Variants in KATNA1 observed in about 807,000 individuals in gnomAD.
The protein encoded by KATNA1 is katanin p60 ATPase-containing subunit A1.
Under a neutral mutation model 62.6 loss-of-function variants are expected in KATNA1, and 42 were observed. That is an observed-to-expected ratio of 0.67 (90% CI 0.52 to 0.87). The LOEUF (loss-of-function observed/expected upper bound fraction) is 0.87, where lower values mean the gene tolerates loss of function less well. KATNA1 is among the 40% of genes least tolerant of loss of function. The pLI is 0.00. For missense variants in KATNA1, 498 were observed against 612.5 expected (o/e 0.81, Z 1.97); for synonymous variants, 186 against 201.9 (o/e 0.92, Z 0.67).
At chr6:149,616,450 T>G (rs1021982492) in intron 4 of KATNA1, among the ~76,000 whole-genome samples, 4 of 152,188 alleles carry the variant, frequency 2.6e-5, no homozygotes, top group Non-Finnish European at 5.9e-5. Flanking sequence ...GAAAACAGTT[T>G]TGTCATTCTT....
At chr6:149,601,480 A>T in intron 7 of KATNA1, 114 bp downstream of exon 7, 1 of 848,574 alleles carries the variant, frequency 1.2e-6, no homozygotes, top group Non-Finnish European at 1.8e-6. Flanking sequence ...TAGGACTCAT[A>T]CTCTGGGCAA....
At chr6:149,647,407 A>G (rs982899948) in intron 1 of KATNA1, among the ~76,000 whole-genome samples, 1 of 151,338 alleles carries the variant, frequency 6.6e-6, no homozygotes, top group African/African-American at 2.4e-5. Context: ...CTGTAGTCAC[A>G]GCTACTCAAG....
At position 149,594,897 on chromosome 6, in the gene KATNA1, T is replaced by C; in HGVS notation, c.*139A>G. On this transcript the variant is annotated 3_prime_UTR_variant, in exon 11 of 11. Coordinates refer to ENST00000367411, the MANE Select transcript of KATNA1 (RefSeq NM_007044.4). ...ATTTTCAGCTTAAAAATATTGCCTT[T>C]ATTCAGAATCATAAGGGTTTTTTTA... 1.6e-6 allele frequency: 1 copy of C among 620,320 alleles called. No homozygotes were observed. Among genetic ancestry groups the C allele is most frequent in the Non-Finnish European group, 2.6e-6 (1 of 382,434 alleles). 38.4% of individuals were successfully genotyped at this position (620,320 alleles called of 1,614,324 possible). A position where few individuals can be genotyped will look rare whatever the true frequency, so the allele number is the denominator to read the frequency against.
chr6:149,642,951 A>G (rs1402869932), intron 1 of KATNA1, among the ~76,000 whole-genome samples: 1 of 152,240 alleles, frequency 6.6e-6, no homozygotes, highest in Non-Finnish European at 1.5e-5. Flanking sequence ...GCCTCTTGGT[A>G]TCTGTACCCT....
Position 149,595,121 on chromosome 6 carries a change from A to C in KATNA1, c.1391T>G (p.Met464Arg), listed in dbSNP as rs148234938. The C allele has an allele frequency of 4.3e-6, 7 of 1,614,072 alleles. No individual in the cohort carries two copies. Among genetic ancestry groups the C allele is most frequent in the Non-Finnish European group, 5.9e-6 (7 of 1,179,960 alleles). Residue 464 changes from methionine (M) to arginine (R), a missense_variant, in exon 11 of 11, where the codon ATG (methionine) becomes AGG (arginine). Coordinates refer to ENST00000367411, the MANE Select transcript of KATNA1 (RefSeq NM_007044.4). ...TGACTTAGAAACCTTTTTTAAAGCC[A>C]TCTCGAAATCCTCCATAGTTGTAGG... ...HMPTTMEDFEMALKKVSKSVS... is the reference protein window; with the variant it reads ...HMPTTMEDFERALKKVSKSVS...
intron 5 of KATNA1, 40 bp from the exon 6 acceptor site, chr6:149,603,413 T>C (rs746579979): frequency 2.1e-6 from 2 of 936,022 alleles, no homozygotes; most frequent in South Asian, 1.4e-5. Flanking sequence ...CTTTAGATGA[T>C]ACATGTCTAT....
intron 3 of KATNA1, among the ~76,000 whole-genome samples, chr6:149,625,362 C>T (rs540330195): frequency 8.1e-4 from 123 of 152,272 alleles, no homozygotes; most frequent in African/African-American, 2.9e-3. Flanking sequence ...AGGCCGGGCA[C>T]GGTGGCTCAC....
intron 4 of KATNA1, among the ~76,000 whole-genome samples, chr6:149,615,150 A>C (rs966771992): frequency 4.6e-5 from 7 of 150,788 alleles, no homozygotes; most frequent in Middle Eastern, 3.4e-3. Context: ...AAAAAAAAAA[A>C]AAAAACAACT....
intron 1 of KATNA1, among the ~76,000 whole-genome samples, chr6:149,645,371 G>A (rs1358655572): frequency 1.3e-5 from 2 of 151,726 alleles, no homozygotes; most frequent in Non-Finnish European, 2.9e-5. Flanking sequence ...TGAACCGGGA[G>A]GCAGAGCGTG....
chr6:149,597,705 G>A, intron 8 of KATNA1, 64 bp from the exon 9 acceptor site: 1 of 1,470,514 alleles, frequency 6.8e-7, no homozygotes, highest in Non-Finnish European at 9.4e-7. Context: ...ATGAAGCTCA[G>A]CTATTTAAAG....
chr6:149,625,467 A>G (rs1779568342), intron 3 of KATNA1, among the ~76,000 whole-genome samples: 1 of 152,032 alleles, frequency 6.6e-6, no homozygotes, highest in Non-Finnish European at 1.5e-5. Flanking sequence ...CATCTCTACT[A>G]AAAATACAAA....
intron 2 of KATNA1, among the ~76,000 whole-genome samples, chr6:149,636,007 AC>A (rs1780052255): frequency 6.6e-6 from 1 of 152,036 alleles, no homozygotes; most frequent in African/African-American, 2.4e-5. Context: ...GTGAGCTGAG[AC>A]CGCGCCATTG....
At chr6:149,608,061 G>A (rs907836610) in intron 4 of KATNA1, among the ~76,000 whole-genome samples, 7 of 152,200 alleles carry the variant, frequency 4.6e-5, no homozygotes, top group Middle Eastern at 3.4e-3. Flanking sequence ...GTGAGACTCC[G>A]TCTCAAAAAA....
chr6:149,598,945 A>G (rs904144780), intron 7 of KATNA1, among the ~76,000 whole-genome samples: 1 of 151,846 alleles, frequency 6.6e-6, no homozygotes, highest in Non-Finnish European at 1.5e-5. Flanking sequence ...GCTCACTTCA[A>G]CCTTGAGCTC....
At chr6:149,607,543 CGGA>C (rs1053849459) in intron 4 of KATNA1, among the ~76,000 whole-genome samples, 3 of 152,108 alleles carry the variant, frequency 2.0e-5, no homozygotes, top group Non-Finnish European at 4.4e-5. Flanking sequence ...ACCCAGGAGG[CGGA>C]GGTTACACTG....
At chr6:149,618,877 T>C (rs1779285793) in intron 4 of KATNA1, among the ~76,000 whole-genome samples, 1 of 152,184 alleles carries the variant, frequency 6.6e-6, no homozygotes, top group Admixed American at 6.6e-5. Context: ...TATGAAATTA[T>C]TAGAAGATGA....
chr6:149,619,825 G>T (rs943838869), intron 4 of KATNA1, among the ~76,000 whole-genome samples: 6 of 152,206 alleles, frequency 3.9e-5, no homozygotes, highest in Admixed American at 3.9e-4. Flanking sequence ...AGGATTGCTA[G>T]ATTATATGGT....
chr6:149,638,730 G>GTTTTTTTTTTTTTTTTTTTTTTTT (rs1217719467), intron 1 of KATNA1, 170 bp from the exon 2 acceptor site: 3 of 97,658 alleles, frequency 3.1e-5, no homozygotes, highest in Non-Finnish European at 5.5e-5. Context: ...AAAAAACATT[G>GTTTTTTTTTTTTTTTTTTTTTTTT]TTTTTTTTTT....
At chr6:149,622,995 T>G in intron 4 of KATNA1, 108 bp downstream of exon 4, 1 of 823,264 alleles carries the variant, frequency 1.2e-6, no homozygotes, top group Non-Finnish European at 1.8e-6. Context: ...GGTGACAGAG[T>G]GAGACTGTCT....
Sources: gnomAD v4.1 joint callset for allele counts (sites outside exome capture counted in the v4.1 genomes callset) on GRCh38, gnomAD v4.1.1 for gene constraint, MANE v1.5 for transcripts, NCBI Gene and HGNC (gene_info 2026-07-23, HGNC 2026-07-21) for gene names.